Variants in ABCB7 observed in about 807,000 individuals in gnomAD.
ABCB7 encodes ATP binding cassette subfamily B member 7.
A neutral mutation model predicts 54.4 loss-of-function variants in ABCB7; 7 were observed. That is an observed-to-expected ratio of 0.13 (90% CI 0.07 to 0.24). The LOEUF (loss-of-function observed/expected upper bound fraction) is 0.24. Ranked by LOEUF, ABCB7 falls within the 10% of genes least tolerant of loss-of-function variation. The pLI is 1.00. For missense variants in ABCB7, 356 were observed against 570.4 expected, an observed-to-expected ratio of 0.62 and a Z score of 3.83; for synonymous variants, 218 against 207.1, an observed-to-expected ratio of 1.05 and a Z score of -0.45.
At chrX:75,117,672 G>A (rs1299933288) in intron 1 of ABCB7, among the ~76,000 whole-genome samples, 1 of 111,476 alleles carries the variant, frequency 9.0e-6, no homozygotes, top group African/African-American at 3.3e-5. Context: ...TTTTGCTGAT[G>A]GCTATGGATG....
rs2081664100 is a variant in ABCB7 at position 75,104,047 on chromosome X, G to GTTTTTTTTGTTTTTTTTT, written c.334-4987_334-4986insAAAAAAAAACAAAAAAAA. On this transcript the variant is annotated intron_variant, in intron 3 of 15. Transcript: ENST00000373394. ...AAATGGGCATCCCTGTCTTGTTACA[G>GTTTTTTTTGTTTTTTTTT]TTTTTTTTTTTTTTTTTTTTTTTTT... Among the ~76,000 whole-genome samples, 5 of 13,443 alleles carry GTTTTTTTTGTTTTTTTTT rather than the reference G, an allele frequency of 3.7e-4. 1 individual carries two copies. Among genetic ancestry groups the GTTTTTTTTGTTTTTTTTT allele is most frequent in the Admixed American group, 2.0e-3 (1 of 500 alleles). 11.7% of individuals were successfully genotyped at this position (13,443 alleles called of 115,157 possible).
Position 75,156,168 on chromosome X carries a change from G to A in ABCB7, c.105C>T (p.Ser35=), listed in dbSNP as rs1230386430. ...GTGGCCTCCACTGCGGACCTGAGCC[G>A]CTAACAGAGACTAAAGGCCGGATCA... is the stretch of plus-strand genomic sequence containing the variant. ...AILIRPLVSV[S]GSGPQWRPHQ... is the part of the protein sequence containing the mutation. Residue 35 remains serine, a synonymous_variant, in exon 1 of 16, where the codon AGC becomes AGT. Coordinates refer to ENST00000373394, the MANE Select transcript of ABCB7 (RefSeq NM_001271696.3). The A allele has an allele frequency of 7.5e-6, 9 of 1,207,670 alleles. No homozygotes were observed. Among genetic ancestry groups the A allele is most frequent in the Non-Finnish European group, 1.0e-5 (9 of 893,494 alleles).
intron 6 of ABCB7, 63 bp from the exon 7 acceptor site, chrX:75,074,019 A>C: frequency 1.1e-6 from 1 of 931,167 alleles, no homozygotes; most frequent in East Asian, 3.1e-5. Context: ...ACAGTTTGTA[A>C]TACACAACAG....
intron 15 of ABCB7, among the ~76,000 whole-genome samples, chrX:75,059,848 G>A (rs952126099): frequency 9.0e-6 from 1 of 111,529 alleles, no homozygotes; most frequent in Admixed American, 9.5e-5. Flanking sequence ...TAACCATCAA[G>A]GGTATGTGCA....
At chrX:75,116,952 C>T (rs1163583683) in intron 1 of ABCB7, among the ~76,000 whole-genome samples, 1 of 110,622 alleles carries the variant, frequency 9.0e-6, no homozygotes, top group Non-Finnish European at 1.9e-5. Flanking sequence ...AATACCATGG[C>T]GACATCAGGA....
intron 3 of ABCB7, among the ~76,000 whole-genome samples, chrX:75,107,239 C>T (rs1411753505): frequency 9.0e-6 from 1 of 111,566 alleles, no homozygotes; most frequent in Non-Finnish European, 1.9e-5. Flanking sequence ...GGCTAAAGTG[C>T]TTTGTGCTCT....
chrX:75,142,242 C>T (rs1602413852), intron 1 of ABCB7, among the ~76,000 whole-genome samples: 1 of 111,730 alleles, frequency 9.0e-6, no homozygotes, highest in African/African-American at 3.3e-5. Flanking sequence ...TATGCACATC[C>T]TCCTGTATAC....
At chrX:75,128,598 T>A (rs1315308865) in intron 1 of ABCB7, among the ~76,000 whole-genome samples, 1 of 111,334 alleles carries the variant, frequency 9.0e-6, no homozygotes, top group African/African-American at 3.3e-5. Context: ...AATTGACAAA[T>A]GGGATCTAAT....
At chrX:75,106,097 TA>T (rs2147514118) in intron 3 of ABCB7, among the ~76,000 whole-genome samples, 1 of 110,812 alleles carries the variant, frequency 9.0e-6, no homozygotes, top group South Asian at 3.7e-4. Flanking sequence ...ATAACAAAAG[TA>T]AAAACAGACA....
At chrX:75,098,181 C>T (rs1174212374) in intron 4 of ABCB7, among the ~76,000 whole-genome samples, 1 of 109,698 alleles carries the variant, frequency 9.1e-6, no homozygotes, top group Non-Finnish European at 1.9e-5. Flanking sequence ...TGGTGGCGCA[C>T]GCCTATAATC....
rs916633787 is a variant in ABCB7, at chrX:75,053,257, T to C, written c.*113A>G. On this transcript the variant is annotated 3_prime_UTR_variant, in exon 16 of 16. Coordinates refer to ENST00000373394, the MANE Select transcript of ABCB7 (RefSeq NM_001271696.3). ...CAAATCCCCTTTTAAATAAATCTTA[T>C]CTAAAAGAAGGATTATAGAAAATGG... 321 of 971,814 alleles carry C rather than the reference T, an allele frequency of 3.3e-4. No homozygotes were observed. The highest frequency in any genetic ancestry group is 4.3e-4 in the Non-Finnish European group (306 of 711,660). 80.1% of individuals were successfully genotyped at this position (971,814 alleles called of 1,213,427 possible).
At chrX:75,135,039 T>C (rs940808138) in intron 1 of ABCB7, among the ~76,000 whole-genome samples, 2 of 108,462 alleles carry the variant, frequency 1.8e-5, no homozygotes, top group Non-Finnish European at 3.8e-5. Flanking sequence ...CAAAAGATGG[T>C]TCTTCAAAAG....
chrX:75,129,403 A>T (rs964541589), intron 1 of ABCB7, among the ~76,000 whole-genome samples: 45 of 110,141 alleles, frequency 4.1e-4, no homozygotes, highest in Middle Eastern at 4.7e-3. Flanking sequence ...CAATGAGAAC[A>T]TACGGGCACG....
At chrX:75,081,940 A>C (rs1038051225) in intron 4 of ABCB7, among the ~76,000 whole-genome samples, 1 of 110,964 alleles carries the variant, frequency 9.0e-6, no homozygotes, top group African/African-American at 3.3e-5. Context: ...AAAAGCCAAC[A>C]GAGTCTCAGG....
chrX:75,122,861 G>GTGTGTGTGTGTGTGTGT (rs372924417), intron 1 of ABCB7, among the ~76,000 whole-genome samples: 1 of 93,131 alleles, frequency 1.1e-5, no homozygotes, highest in East Asian at 4.2e-4. Flanking sequence ...TTAAAATTGG[G>GTGTGTGTGTGTGTGTGT]GTGTGTGTGT....
rs1306310078 is a variant in ABCB7, at chrX:75,121,312, TA to T, written c.169-6482del. Among the ~76,000 whole-genome samples the T allele has an allele frequency of 1.9e-4, 19 of 102,476 alleles. No individual in the cohort carries two copies. In the East Asian group the frequency reaches 2.1e-3, roughly 11 times the overall value. The allele number at this position is 102,476 out of a possible 115,157, so 89.0% of individuals were successfully genotyped here. On this transcript the variant is annotated intron_variant, in intron 1 of 15. Transcript: ENST00000373394. ...TCAAAAAAAAAAAAAAAAGTCTATG[TA>T]AAAAAAAAAATTATTCTTGTTGGAC...
chrX:75,123,725 T>TC (rs764779997), intron 1 of ABCB7, among the ~76,000 whole-genome samples: 1 of 111,790 alleles, frequency 8.9e-6, no homozygotes, highest in African/African-American at 3.2e-5. Flanking sequence ...ATCTTTCACC[T>TC]CCTTGGTTAA....
intron 4 of ABCB7, among the ~76,000 whole-genome samples, chrX:75,077,038 T>A (rs1229689129): frequency 8.9e-6 from 1 of 112,105 alleles, no homozygotes; most frequent in Non-Finnish European, 1.9e-5. Flanking sequence ...TCCTACTGGA[T>A]CCTTGAGGGT....
intron 1 of ABCB7, among the ~76,000 whole-genome samples, chrX:75,135,959 A>G (rs774586833): frequency 1.8e-4 from 19 of 103,246 alleles, no homozygotes; most frequent in Non-Finnish European, 3.6e-4. Context: ...TACTCAACAT[A>G]GTCCTGGATT....
Sources: allele counts gnomAD v4.1 joint callset (sites outside exome capture counted in the v4.1 genomes callset), GRCh38; gene constraint gnomAD v4.1.1; transcripts MANE v1.5; gene names NCBI Gene and HGNC (gene_info 2026-07-23, HGNC 2026-07-21).